The following HERC1 variants were observed in gnomAD, a reference collection of about 807,000 sequenced individuals.
The protein encoded by HERC1 is probable E3 ubiquitin-protein ligase HERC1.
A neutral mutation model predicts 554.3 loss-of-function variants in HERC1; 160 were observed. The observed-to-expected ratio is 0.29, with a 90% confidence interval of 0.25 to 0.33. The LOEUF is 0.33. Among genes scored for constraint, HERC1 ranks in the 10% least tolerant of loss-of-function variants. HERC1 has a pLI of 1.00. For missense variants in HERC1, 4,919 were observed against 5,918.5 expected, an observed-to-expected ratio of 0.83 and a Z score of 5.54; for synonymous variants, 2,175 against 2,131.7, an observed-to-expected ratio of 1.02 and a Z score of -0.56.
At chr15:63,646,376 T>C (rs2069338621) in intron 55 of HERC1, among the ~76,000 whole-genome samples, 1 of 152,178 alleles carries the variant, frequency 6.6e-6, no homozygotes, top group Non-Finnish European at 1.5e-5. Context: ...TATTTATTTT[T>C]ACATAGACTT....
chr15:63,623,803 C>A lies in HERC1; in HGVS notation c.13533G>T (p.Ala4511=). The A allele has an allele frequency of 6.2e-7, 1 of 1,613,880 alleles. No homozygotes were observed. Among genetic ancestry groups the A allele is most frequent in the Non-Finnish European group, 8.5e-7 (1 of 1,179,792 alleles). Residue 4511 remains alanine, a synonymous_variant, in exon 73 of 78, where the codon GCG becomes GCT. Transcript: ENST00000443617. ...CTTCTCCAACCAGCTTAACCTTCCA[C>A]GCTCGGGAAGGCAGGCGGAGGTCTG... ...NASDLRLPSR[A]WKVKLVGEGA...
At chr15:63,781,365 C>G (rs74019015) in intron 1 of HERC1, among the ~76,000 whole-genome samples, 1,661 of 152,250 alleles carry the variant, frequency 0.011, 27 homozygotes, top group African/African-American at 0.038. Flanking sequence ...TCCAAAAGTA[C>G]GTGTTCACTT....
chr15:63,803,480 C>T lies in HERC1; in HGVS notation c.-26-27831G>A, dbSNP rs570901114. 1.2e-3 allele frequency among the ~76,000 whole-genome samples: 175 copies of T among 151,934 alleles called. 1 individual carries two copies. Among genetic ancestry groups the T allele is most frequent in the African/African-American group, 4.1e-3 (170 of 41,424 alleles). On this transcript the variant is annotated intron_variant, in intron 1 of 77. Transcript: ENST00000443617. ...TCTGATGCCCAGGCTGGAGTGGCAG[C>T]GACACAATCATAATTCACTGAAGCC... is the stretch of plus-strand genomic sequence containing the variant.
intron 12 of HERC1, among the ~76,000 whole-genome samples, chr15:63,737,853 G>A (rs920485470): frequency 2.0e-5 from 3 of 151,970 alleles, no homozygotes; most frequent in Admixed American, 6.6e-5. Context: ...AAGTAACACC[G>A]CTGAAAACTA....
chr15:63,649,657 T>G, intron 54 of HERC1, 68 bp downstream of exon 54: 1 of 1,295,480 alleles, frequency 7.7e-7, no homozygotes, highest in Non-Finnish European at 1.1e-6. Flanking sequence ...TAAAAGCAAA[T>G]GCCAAAAAGC....
At chr15:63,690,181 A>AG (rs1242331724) in intron 32 of HERC1, among the ~76,000 whole-genome samples, 11 of 151,846 alleles carry the variant, frequency 7.2e-5, no homozygotes, top group African/African-American at 2.7e-4. Flanking sequence ...AAAAAAAAAA[A>AG]AAAAGAAATA....
intron 47 of HERC1, 92 bp from the exon 48 acceptor site, chr15:63,658,810 T>C: frequency 9.9e-7 from 1 of 1,008,902 alleles, no homozygotes; most frequent in Non-Finnish European, 1.4e-6. Flanking sequence ...AGAGGTTCCA[T>C]AACAAACCAA....
In HERC1 at chr15:63,753,026, G is replaced by C; in HGVS notation, c.1834C>G (p.Gln612Glu). Residue 612 changes from glutamine to glutamate, a missense_variant, in exon 8 of 78, where the codon CAA (glutamine) becomes GAA (glutamate). Physicochemically the swap from Gln to Glu is conservative, Grantham distance 29 (BLOSUM62 2). Transcript: ENST00000443617. ...VYKPKVIEAL[Q>E]GMFIRKVCAG... ...CAAACTTTGCGAATGAACATTCCTT[G>C]TAAAGCTTCAATAACTTTAGGTTTA... 1 of 1,613,380 alleles carries C rather than the reference G, an allele frequency of 6.2e-7. No homozygotes were observed. The highest frequency in any genetic ancestry group is 8.5e-7 in the Non-Finnish European group (1 of 1,179,538).
Position 63,645,587 on chromosome 15 carries a change from T to A in HERC1, c.10974A>T (p.Gly3658=), listed in dbSNP as rs956147220. The A allele has an allele frequency of 4.3e-6, 7 of 1,613,414 alleles. No homozygotes were observed. The highest frequency in any genetic ancestry group is 5.1e-6 in the Non-Finnish European group (6 of 1,179,592). Residue 3658 remains glycine, a synonymous_variant, in exon 56 of 78, where the codon GGA becomes GGT. Transcript: ENST00000443617. The stretch of plus-strand genomic sequence containing the variant: ...AGAGTGAATGTAGACAGCACCAGCA[T>A]CCCGAAATAGAGCCCCAGAGTTTCA... ...DSVKLWGSIS[G]CWCCLHSLCH...
At chr15:63,770,083 T>A (rs550930908) in intron 2 of HERC1, among the ~76,000 whole-genome samples, 10 of 152,246 alleles carry the variant, frequency 6.6e-5, no homozygotes, top group African/African-American at 2.4e-4. Flanking sequence ...GCCTATAGCA[T>A]GGGATACAGG....
rs2076779610 is a variant in HERC1 at position 63,795,263 on chromosome 15, A to G, written c.-26-19614T>C. Reference sequence around the variant, plus strand: ...TAGTTACTAAAGCTTGCCTTTTTCAATGGTTTTATTAAAATATTCTGCTTG... The same window carrying G: ...TAGTTACTAAAGCTTGCCTTTTTCAGTGGTTTTATTAAAATATTCTGCTTG... On this transcript the variant is annotated intron_variant, in intron 1 of 77. Transcript: ENST00000443617. Among the ~76,000 whole-genome samples, 4 of 152,086 alleles carry G rather than the reference A, an allele frequency of 2.6e-5. No homozygotes were observed. In the South Asian group the frequency reaches 8.3e-4, roughly 31 times the overall value.
chr15:63,675,082 A>G lies in HERC1; in HGVS notation c.7106T>C (p.Leu2369Ser). The change falls in exon 38 of 78, where the codon TTG becomes TCG. Residue 2369 changes from leucine (L) to serine (S), a missense_variant. Around this residue, in one of 11 missense-constraint regions of HERC1, gnomAD observed 1,963 missense variants for 2,228.6 expected, o/e 0.88. Coordinates refer to ENST00000443617, the MANE Select transcript of HERC1 (RefSeq NM_003922.4). ...TGGTTCACAGGGTTCCAGATTATAC[A>G]ATGGAGTATCACTAGGCGACCAAAA... ...PTFWSPSDTPLYNLEPCEPLP... is the reference protein window; with the variant it reads ...PTFWSPSDTPSYNLEPCEPLP... 1.9e-6 allele frequency: 3 copies of G among 1,608,598 alleles called. No homozygotes were observed. Among genetic ancestry groups the G allele is most frequent in the Non-Finnish European group, 2.6e-6 (3 of 1,176,218 alleles).
intron 12 of HERC1, among the ~76,000 whole-genome samples, chr15:63,735,721 T>A (rs1410315372): frequency 1.3e-5 from 2 of 152,114 alleles, no homozygotes; most frequent in Non-Finnish European, 2.9e-5. Flanking sequence ...GCCTGTCAGT[T>A]CTAATACTCA....
rs1452908417 is a variant in HERC1 at position 63,664,537 on chromosome 15, T to C, written c.8613A>G (p.Arg2871=). The C allele has an allele frequency of 1.2e-6, 2 of 1,613,486 alleles. No individual in the cohort carries two copies. Among genetic ancestry groups the C allele is most frequent in the Non-Finnish European group, 1.7e-6 (2 of 1,179,576 alleles). Residue 2871 remains arginine (R), a synonymous_variant, in exon 43 of 78, where the codon AGA becomes AGG. Transcript: ENST00000443617. ...NAASGSGPSA[R]GRSAVTRRHK... ...GTCTTCTTGTTACCGCTGAGCGACC[T>C]CTAGCTGATGGTCCACTTCCAGAAG...
chr15:63,762,417 G>C (rs562864496), intron 3 of HERC1, among the ~76,000 whole-genome samples: 4 of 152,160 alleles, frequency 2.6e-5, no homozygotes, highest in Non-Finnish European at 4.4e-5. Flanking sequence ...TCCACCTCCC[G>C]GGTTCAAGCA....
chr15:63,702,567 C>T (rs940884038), intron 25 of HERC1, among the ~76,000 whole-genome samples: 4 of 152,126 alleles, frequency 2.6e-5, no homozygotes, highest in Admixed American at 6.5e-5. Context: ...TTTCTGTAAA[C>T]AATCGTACAA....
Position 63,622,846 on chromosome 15 carries a change from C to A in HERC1, c.13657G>T (p.Ala4553Ser). ...CTATTGTAACCCACTTCTGCGGTGG[C>A]ATTGGGAGAGGGTATAAGAAGGTCA... ...IVDLLIPSPN[A>S]TAEVGYNRDR... Residue 4553 changes from alanine (A) to serine (S), a missense_variant, in exon 74 of 78, where the codon GCC (alanine) becomes TCC (serine). Coordinates refer to ENST00000443617, the MANE Select transcript of HERC1 (RefSeq NM_003922.4). 6.2e-7 allele frequency: 1 copy of A among 1,607,626 alleles called. No individual in the cohort carries two copies. Among genetic ancestry groups the A allele is most frequent in the Non-Finnish European group, 8.5e-7 (1 of 1,177,462 alleles).
intron 40 of HERC1, among the ~76,000 whole-genome samples, chr15:63,667,573 T>C (rs1461819917): frequency 2.6e-5 from 4 of 152,190 alleles, no homozygotes; most frequent in Non-Finnish European, 5.9e-5. Context: ...AATAATTTAT[T>C]ATGGAGCTTA....
chr15:63,619,241 C>G (rs931124668), intron 74 of HERC1, among the ~76,000 whole-genome samples: 2 of 152,182 alleles, frequency 1.3e-5, no homozygotes, highest in African/African-American at 4.8e-5. Flanking sequence ...TTTTCTGCAC[C>G]TATTGAGATA....
Sources: allele counts gnomAD v4.1 joint callset (sites outside exome capture counted in the v4.1 genomes callset), GRCh38; gene constraint gnomAD v4.1.1; regional missense constraint gnomAD v4.1.1; transcripts MANE v1.5; gene names NCBI Gene and HGNC (gene_info 2026-07-23, HGNC 2026-07-21).